SLC35F3: variants seen among roughly 807,000 people sequenced by gnomAD.
SLC35F3 encodes the protein putative thiamine transporter SLC35F3.
A neutral mutation model predicts 49.9 loss-of-function variants in SLC35F3; 25 were observed. The ratio of observed to expected loss-of-function variants is 0.50; its 90% confidence interval spans 0.37 to 0.70. The LOEUF is 0.70. Among genes scored for constraint, SLC35F3 ranks in the 30% least tolerant of loss-of-function variants. The probability of loss-of-function intolerance (pLI) is 0.00; values close to 1 mark genes in which losing one functional copy is unlikely to be tolerated. For missense variants in SLC35F3, 525 were observed against 639.8 expected, an observed-to-expected ratio of 0.82 and a Z score of 1.94; for synonymous variants, 275 against 265.4, an observed-to-expected ratio of 1.04 and a Z score of -0.35.
intron 2 of SLC35F3, among the ~76,000 whole-genome samples, chr1:234,138,956 G>T (rs1665848287): frequency 6.6e-6 from 1 of 152,282 alleles, no homozygotes; most frequent in African/African-American, 2.4e-5. Flanking sequence ...TCATCTTTCT[G>T]GTGTGATGCT....
intron 2 of SLC35F3, among the ~76,000 whole-genome samples, chr1:233,986,731 T>C (rs1425186957): frequency 1.3e-5 from 2 of 152,210 alleles, no homozygotes. Context: ...GATGAAAATC[T>C]CCCCTTGATG....
chr1:234,237,500 C>T (rs973749300), intron 3 of SLC35F3, among the ~76,000 whole-genome samples: 1 of 152,196 alleles, frequency 6.6e-6, no homozygotes, highest in African/African-American at 2.4e-5. Context: ...AAGGCATTGC[C>T]AAGGGAGCCC....
intron 2 of SLC35F3, among the ~76,000 whole-genome samples, chr1:233,969,061 G>T (rs565692016): frequency 2.6e-4 from 8 of 31,140 alleles, no homozygotes; most frequent in African/African-American, 1.3e-3. Context: ...GACATATTTT[G>T]GGGGGGGGGA....
At chr1:234,237,963 C>A (rs1229357544) in intron 3 of SLC35F3, among the ~76,000 whole-genome samples, 1 of 152,218 alleles carries the variant, frequency 6.6e-6, no homozygotes, top group Admixed American at 6.5e-5. Context: ...CTTGGCCCCC[C>A]AAAGTGCTGG....
chr1:234,134,719 T>C (rs1665784669), intron 2 of SLC35F3, among the ~76,000 whole-genome samples: 1 of 151,932 alleles, frequency 6.6e-6, no homozygotes, highest in Admixed American at 6.6e-5. Flanking sequence ...GGTTTTTTTG[T>C]GGGTTTTTTG....
intron 3 of SLC35F3, among the ~76,000 whole-genome samples, chr1:234,284,150 C>T (rs900854461): frequency 6.6e-6 from 1 of 152,164 alleles, no homozygotes; most frequent in Non-Finnish European, 1.5e-5. Context: ...AGCAATCCTC[C>T]CACCTTGGCC....
At chr1:234,203,301 A>T (rs975300315) in intron 2 of SLC35F3, among the ~76,000 whole-genome samples, 1 of 152,244 alleles carries the variant, frequency 6.6e-6, no homozygotes, top group Admixed American at 6.5e-5. Context: ...TAAAAGTGAA[A>T]AGTTTCCTTC....
intron 3 of SLC35F3, among the ~76,000 whole-genome samples, chr1:234,236,090 CCCAGATACATGT>C (rs1289865691): frequency 3.3e-5 from 5 of 152,042 alleles, no homozygotes; most frequent in East Asian, 1.9e-4. Context: ...TGGGGGAAGG[CCCAGATACATGT>C]CCAGATACAT....
At chr1:234,011,254 T>A (rs2102837640) in intron 2 of SLC35F3, among the ~76,000 whole-genome samples, 1 of 152,204 alleles carries the variant, frequency 6.6e-6, no homozygotes, top group African/African-American at 2.4e-5. Flanking sequence ...AGAATAATTG[T>A]TTACAAAGCA....
chr1:234,224,049 GTTTTTTGT>G (rs962654186), intron 2 of SLC35F3, among the ~76,000 whole-genome samples: 4 of 118,370 alleles, frequency 3.4e-5, no homozygotes, highest in African/African-American at 1.9e-4. Context: ...ACCTTTTTCG[GTTTTTTGT>G]TTGTTTGTTT....
At chr1:234,067,698 G>A (rs1664643343) in intron 2 of SLC35F3, among the ~76,000 whole-genome samples, 1 of 152,224 alleles carries the variant, frequency 6.6e-6, no homozygotes, top group African/African-American at 2.4e-5. Context: ...ACACATGTGA[G>A]TGAGGACATT....
intron 3 of SLC35F3, among the ~76,000 whole-genome samples, chr1:234,288,247 C>T (rs1668454246): frequency 6.6e-6 from 1 of 152,130 alleles, no homozygotes; most frequent in Non-Finnish European, 1.5e-5. Context: ...ATAATACAGA[C>T]CCTCCCCGCC....
At chr1:234,011,910 GA>G (rs1663726863) in intron 2 of SLC35F3, among the ~76,000 whole-genome samples, 1 of 152,128 alleles carries the variant, frequency 6.6e-6, no homozygotes, top group African/African-American at 2.4e-5. Flanking sequence ...TATAGAGAAA[GA>G]AAAGTGGGCC....
At position 234,266,884 on chromosome 1, in the gene SLC35F3, T is replaced by G. The variant is rs193151300; in HGVS notation, c.608+35143T>G. On this transcript the variant is annotated intron_variant, in intron 3 of 7. Coordinates refer to ENST00000366618, the MANE Select transcript of SLC35F3 (RefSeq NM_173508.4). ...ATATGAAGCACATGGTTTTTTTTTT[T>G]TTTTTTTTTTTTTATTGATCATTCT... Among the ~76,000 whole-genome samples the G allele has an allele frequency of 8.5e-3, 1,265 of 149,048 alleles. 14 individuals are homozygous for G. Among genetic ancestry groups the G allele is most frequent in the Non-Finnish European group, 0.013 (882 of 67,152 alleles).
chr1:234,198,942 G>A (rs935230702), intron 2 of SLC35F3, among the ~76,000 whole-genome samples: 2 of 152,032 alleles, frequency 1.3e-5, no homozygotes, highest in Non-Finnish European at 2.9e-5. Context: ...ATGGCAGCTG[G>A]GTGCAATGGC....
intron 2 of SLC35F3, among the ~76,000 whole-genome samples, chr1:234,063,009 G>C (rs1664568270): frequency 6.6e-6 from 1 of 151,960 alleles, no homozygotes; most frequent in Admixed American, 6.6e-5. Flanking sequence ...TCTTAATCAA[G>C]GTTCTGTGTG....
chr1:234,067,718 C>A (rs1394762919), intron 2 of SLC35F3, among the ~76,000 whole-genome samples: 1 of 152,224 alleles, frequency 6.6e-6, no homozygotes, highest in South Asian at 2.1e-4. Flanking sequence ...TTGATACCAC[C>A]TAGCCCGAGC....
chr1:234,185,816 A>G (rs1186457419), intron 2 of SLC35F3, among the ~76,000 whole-genome samples: 1 of 152,224 alleles, frequency 6.6e-6, no homozygotes, highest in Non-Finnish European at 1.5e-5. Flanking sequence ...CCAATAATGC[A>G]TTGATTTTAT....
intron 2 of SLC35F3, among the ~76,000 whole-genome samples, chr1:234,018,156 C>T (rs761056527): frequency 2.6e-5 from 4 of 152,088 alleles, no homozygotes; most frequent in Admixed American, 6.5e-5. Context: ...TCTGTGAAAA[C>T]GCCGTGAATA....
Sources: allele counts gnomAD v4.1 joint callset (sites outside exome capture counted in the v4.1 genomes callset), GRCh38; gene constraint gnomAD v4.1.1; transcripts MANE v1.5; gene names NCBI Gene and HGNC (gene_info 2026-07-23, HGNC 2026-07-21).